The following PDK1 variants were observed in gnomAD, a reference collection of about 807,000 sequenced individuals.
PDK1 encodes the protein pyruvate dehydrogenase kinase 1.
In PDK1, 39 loss-of-function variants were observed where a neutral mutation model predicts 54.2. The ratio of observed to expected loss-of-function variants is 0.72; its 90% CI spans 0.56 to 0.94. The LOEUF (loss-of-function observed/expected upper bound fraction) is 0.94. PDK1 is among the 40% of genes least tolerant of loss of function. The pLI, the probability that PDK1 is intolerant of heterozygous loss-of-function variation, is 0.00. For synonymous variants in PDK1, 221 were observed against 207.1 expected (o/e 1.07, Z -0.58); for missense variants, 552 against 566.0 (o/e 0.98, Z 0.25).
chr2:172,697,723 G>A, the PDK1 span, among the ~76,000 whole-genome samples: 2 of 152,132 alleles, frequency 1.3e-5, no homozygotes, highest in Non-Finnish European at 2.9e-5. Context: ...TCAATTACAC[G>A]TATTTTCAAA....
At chr2:172,645,332 A>T in the PDK1 span, among the ~76,000 whole-genome samples, 1 of 115,962 alleles carries the variant, frequency 8.6e-6, no homozygotes, top group East Asian at 3.0e-4. Flanking sequence ...GTGCAGTGGC[A>T]CGATCTCGGC....
At chr2:172,578,898 C>G (rs1232144196) in intron 8 of PDK1, among the ~76,000 whole-genome samples, 2 of 152,248 alleles carry the variant, frequency 1.3e-5, no homozygotes, top group South Asian at 2.1e-4. Flanking sequence ...CCAAGGGACT[C>G]TGTGTGTGTA....
chr2:172,584,645 C>CT (rs35773197), intron 8 of PDK1, among the ~76,000 whole-genome samples: 3,159 of 90,250 alleles, frequency 0.035, 67 homozygotes, highest in African/African-American at 0.041. Context: ...AAGGTACATG[C>CT]TTTTTTTTTT....
intron 3 of PDK1, among the ~76,000 whole-genome samples, chr2:172,563,788 T>A (rs1422312112): frequency 6.6e-6 from 1 of 151,820 alleles, no homozygotes; most frequent in Non-Finnish European, 1.5e-5. Flanking sequence ...GAGCCGAGAT[T>A]GCGCCATTGC....
At chr2:172,700,783 C>T in the PDK1 span, among the ~76,000 whole-genome samples, 6 of 152,216 alleles carry the variant, frequency 3.9e-5, no homozygotes, top group African/African-American at 1.4e-4. Context: ...TGGCAGATCA[C>T]TCGCGGTCAG....
the PDK1 span, among the ~76,000 whole-genome samples, chr2:172,705,313 A>C: frequency 1.3e-5 from 2 of 152,206 alleles, no homozygotes; most frequent in Non-Finnish European, 2.9e-5. Flanking sequence ...CTTTCTTCCT[A>C]TAGATTGATC....
the PDK1 span, among the ~76,000 whole-genome samples, chr2:172,625,639 G>T: frequency 6.6e-6 from 1 of 152,026 alleles, no homozygotes; most frequent in Non-Finnish European, 1.5e-5. Context: ...CATTTAGTCT[G>T]ATCTAATCCT....
chr2:172,615,895 A>G, the PDK1 span, among the ~76,000 whole-genome samples: 1 of 152,228 alleles, frequency 6.6e-6, no homozygotes, highest in Non-Finnish European at 1.5e-5. Context: ...ACTTTGCTAC[A>G]TGCTACATTT....
chr2:172,582,274 G>C (rs1190454846), intron 8 of PDK1, among the ~76,000 whole-genome samples: 1 of 152,194 alleles, frequency 6.6e-6, no homozygotes, highest in Non-Finnish European at 1.5e-5. Context: ...TGATTTTACA[G>C]ACTTAACAGT....
chr2:172,696,318 CCTCA>C, the PDK1 span, among the ~76,000 whole-genome samples: 1 of 152,136 alleles, frequency 6.6e-6, no homozygotes, highest in East Asian at 1.9e-4. Context: ...TGCCTGAACT[CCTCA>C]CTCAAAAAAG....
intron 7 of PDK1, 24 bp downstream of exon 7, chr2:172,568,841 C>A: frequency 7.5e-7 from 1 of 1,339,516 alleles, no homozygotes; most frequent in Non-Finnish European, 1.1e-6. Flanking sequence ...TATTACATAA[C>A]CTTTACCAGT....
the PDK1 span, among the ~76,000 whole-genome samples, chr2:172,617,742 A>T: frequency 6.6e-6 from 1 of 152,194 alleles, no homozygotes; most frequent in Non-Finnish European, 1.5e-5. Flanking sequence ...AGGGGAACAA[A>T]CATTCAAACC....
intron 2 of PDK1, among the ~76,000 whole-genome samples, chr2:172,560,208 A>G (rs1688580900): frequency 6.6e-6 from 1 of 152,138 alleles, no homozygotes; most frequent in Non-Finnish European, 1.5e-5. Context: ...CACCCAGGCT[A>G]GAGTGCAGTA....
chr2:172,566,931 A>G lies in PDK1; in HGVS notation c.767A>G (p.Asn256Ser), dbSNP rs1307368409. ...NSPELELEEL[N>S]AKSPGQPIQV... is the part of the protein sequence containing the mutation. ...CCCGAACTAGAACTTGAAGAACTAA[A>G]TGGTAAGCCTGATGTTGTCTTTTTC... Residue 256 changes from asparagine (N) to serine (S), a missense_variant and splice_region_variant, in exon 6 of 11, where the codon AAT becomes AGT. Coordinates refer to ENST00000282077, the MANE Select transcript of PDK1 (RefSeq NM_002610.5). The G allele has an allele frequency of 1.3e-6, 2 of 1,589,402 alleles. No individual in the cohort carries two copies. The highest frequency in any genetic ancestry group is 2.2e-5 in the East Asian group (1 of 44,666).
the PDK1 span, among the ~76,000 whole-genome samples, chr2:172,614,208 G>A: frequency 6.6e-6 from 1 of 151,940 alleles, no homozygotes; most frequent in African/African-American, 2.4e-5. Context: ...CAGGTTCAGG[G>A]GTACCTGTTC....
At chr2:172,556,383 G>A (rs759693455) in intron 1 of PDK1, 37 bp downstream of exon 1, 3 of 1,358,432 alleles carry the variant, frequency 2.2e-6, no homozygotes, top group East Asian at 2.8e-5. Flanking sequence ...TTTTTGCGCG[G>A]TCCCGGGCGG....
At chr2:172,611,522 C>T (rs922910082), downstream of PDK1, among the ~76,000 whole-genome samples, 7 of 152,004 alleles carry the variant, frequency 4.6e-5, no homozygotes, top group Non-Finnish European at 1.0e-4. Context: ...CAGTCTTTTC[C>T]GGAAAATAGA....
At chr2:172,693,478 G>T in the PDK1 span, among the ~76,000 whole-genome samples, 2 of 152,296 alleles carry the variant, frequency 1.3e-5, no homozygotes, top group Non-Finnish European at 2.9e-5. Context: ...TACTTCATAG[G>T]GTTGTTGTGA....
chr2:172,608,912 G>A (rs1332981468), downstream of PDK1, among the ~76,000 whole-genome samples: 4 of 152,086 alleles, frequency 2.6e-5, no homozygotes, highest in East Asian at 1.9e-4. Flanking sequence ...CACTCAGGAC[G>A]TTGGTAATTG....
Sources: allele counts gnomAD v4.1 joint callset (sites outside exome capture counted in the v4.1 genomes callset), GRCh38; gene constraint gnomAD v4.1.1; transcripts MANE v1.5; gene names NCBI Gene and HGNC (gene_info 2026-07-23, HGNC 2026-07-21).